CCDC39: variants seen among roughly 807,000 people sequenced by gnomAD.
CCDC39 encodes coiled-coil domain-containing protein 39.
A neutral mutation model predicts 121.0 loss-of-function variants in CCDC39; 113 were observed. That is an observed-to-expected ratio of 0.93 (90% CI 0.80 to 1.09). The LOEUF is 1.09. Among genes scored for constraint, CCDC39 ranks in the 50% least tolerant of loss-of-function variants. The probability of loss-of-function intolerance (pLI) is 0.00; values close to 1 mark genes in which losing one functional copy is unlikely to be tolerated. For synonymous variants in CCDC39, 349 were observed against 352.2 expected (o/e 0.99, Z 0.10); for missense variants, 1,063 against 1,074.7 (o/e 0.99, Z 0.15).
chr3:180,647,976 T>C (rs889014095), intron 10 of CCDC39, among the ~76,000 whole-genome samples, 189 bp downstream of exon 10: 1 of 152,000 alleles, frequency 6.6e-6, no homozygotes, highest in Non-Finnish European at 1.5e-5. Context: ...TTATTTCAGA[T>C]TGAGGGGAAA....
chr3:180,634,589 G>C (rs1355275915), intron 13 of CCDC39, among the ~76,000 whole-genome samples: 1 of 152,110 alleles, frequency 6.6e-6, no homozygotes, highest in African/African-American at 2.4e-5. Context: ...TAAACCCTGA[G>C]ATCACCCCAG....
At chr3:180,666,879 G>GCACA (rs752970659) in intron 1 of CCDC39, among the ~76,000 whole-genome samples, 3 of 150,176 alleles carry the variant, frequency 2.0e-5, no homozygotes, top group Admixed American at 2.0e-4. Context: ...TTACACATAC[G>GCACA]CACACACACA....
chr3:180,669,549 C>T (rs1303761115), intron 1 of CCDC39, among the ~76,000 whole-genome samples: 2 of 151,870 alleles, frequency 1.3e-5, no homozygotes, highest in Non-Finnish European at 2.9e-5. Context: ...TTTCTATAAC[C>T]CCAGAATTAG....
chr3:180,636,748 G>A (rs1243782182), intron 13 of CCDC39, among the ~76,000 whole-genome samples: 1 of 150,884 alleles, frequency 6.6e-6, no homozygotes, highest in Non-Finnish European at 1.5e-5. Flanking sequence ...ACAGACCAAT[G>A]CAACAGGAGA....
intron 13 of CCDC39, 88 bp downstream of exon 13, chr3:180,641,905 C>T: frequency 2.3e-6 from 2 of 866,444 alleles, no homozygotes; most frequent in East Asian, 2.6e-5. Context: ...AAAAACGATG[C>T]ACATCCGGGA....
chr3:180,635,135 G>A (rs1482362711), intron 13 of CCDC39, among the ~76,000 whole-genome samples: 1 of 152,112 alleles, frequency 6.6e-6, no homozygotes, highest in Non-Finnish European at 1.5e-5. Context: ...GCAGGAGAAA[G>A]CAAGAGACAT....
At chr3:180,622,010 G>A (rs1435474787) in intron 14 of CCDC39, among the ~76,000 whole-genome samples, 1 of 151,950 alleles carries the variant, frequency 6.6e-6, no homozygotes, top group Non-Finnish European at 1.5e-5. Flanking sequence ...GATTCCTTTG[G>A]GCACCATGGT....
At position 180,635,141 on chromosome 3, in the gene CCDC39, G is replaced by A. The variant is rs150849064; in HGVS notation, c.1875-3549C>T. Among the ~76,000 whole-genome samples, 8 of 152,230 alleles carry A rather than the reference G, an allele frequency of 5.3e-5. No individual in the cohort carries two copies. The East Asian group carries it at 1.5e-3, about 29-fold the overall frequency. ...TACAAGGCAGCAGGAGAAAGCAAGA[G>A]ACATTTTTAAACCATCAGATCTCAT... On this transcript the variant is annotated intron_variant, in intron 13 of 19. Coordinates refer to ENST00000476379, the MANE Select transcript of CCDC39 (RefSeq NM_181426.2).
intron 13 of CCDC39, among the ~76,000 whole-genome samples, chr3:180,638,512 A>G (rs574158746): frequency 1.3e-5 from 2 of 152,232 alleles, no homozygotes; most frequent in African/African-American, 4.8e-5. Flanking sequence ...AACAAAACAC[A>G]TACGTAATTT....
intron 13 of CCDC39, among the ~76,000 whole-genome samples, chr3:180,639,065 T>C (rs925693938): frequency 2.0e-4 from 30 of 152,206 alleles, no homozygotes; most frequent in Admixed American, 1.2e-3. Flanking sequence ...CATCAGCAGG[T>C]AAATGTATAA....
intron 1 of CCDC39, among the ~76,000 whole-genome samples, chr3:180,670,145 A>G (rs775979015): frequency 7.9e-5 from 12 of 152,170 alleles, no homozygotes; most frequent in Non-Finnish European, 1.0e-4. Flanking sequence ...CTCTCTAATT[A>G]CAGACTTTCA....
chr3:180,670,146 C>G (rs999825287), intron 1 of CCDC39, among the ~76,000 whole-genome samples: 1 of 152,044 alleles, frequency 6.6e-6, no homozygotes, highest in African/African-American at 2.4e-5. Context: ...TCTCTAATTA[C>G]AGACTTTCAA....
intron 12 of CCDC39, among the ~76,000 whole-genome samples, chr3:180,642,771 TCAACGTAA>T (rs1163058225): frequency 1.3e-5 from 2 of 151,984 alleles, no homozygotes; most frequent in African/African-American, 4.8e-5. Context: ...AGAGATGAAA[TCAACGTAA>T]CTACTAGAAA....
chr3:180,651,192 T>C (rs1023596326), intron 9 of CCDC39, among the ~76,000 whole-genome samples: 1 of 149,196 alleles, frequency 6.7e-6, no homozygotes, highest in Non-Finnish European at 1.5e-5. Flanking sequence ...CCAGACTTCA[T>C]CACAAAAAAA....
chr3:180,636,621 G>T (rs1055817986), intron 13 of CCDC39, among the ~76,000 whole-genome samples: 1 of 151,254 alleles, frequency 6.6e-6, no homozygotes, highest in Non-Finnish European at 1.5e-5. Context: ...AGTCTGAATA[G>T]CCAAGGCAGT....
At chr3:180,618,847 G>A (rs1236284007) in intron 16 of CCDC39, among the ~76,000 whole-genome samples, 1 of 152,096 alleles carries the variant, frequency 6.6e-6, no homozygotes, top group Non-Finnish European at 1.5e-5. Flanking sequence ...TTGCTATTGT[G>A]AATAGACAAT....
At chr3:180,661,780 AG>A in intron 3 of CCDC39, 80 bp downstream of exon 3, 1 of 1,311,600 alleles carries the variant, frequency 7.6e-7, no homozygotes, top group Non-Finnish European at 1.1e-6. Context: ...TTCCCATACA[AG>A]AAAAAAAAAA....
intron 1 of CCDC39, among the ~76,000 whole-genome samples, chr3:180,676,709 C>T (rs1712217873): frequency 6.6e-6 from 1 of 152,288 alleles, no homozygotes; most frequent in East Asian, 1.9e-4. Flanking sequence ...TATTGCAGCA[C>T]TATTCACAAC....
chr3:180,634,059 T>G (rs1330327163), intron 13 of CCDC39, among the ~76,000 whole-genome samples: 1 of 152,124 alleles, frequency 6.6e-6, no homozygotes, highest in East Asian at 1.9e-4. Flanking sequence ...ACAGTCACCA[T>G]GCAGAGAAGA....
Sources: allele counts gnomAD v4.1 joint callset (sites outside exome capture counted in the v4.1 genomes callset), GRCh38; gene constraint gnomAD v4.1.1; transcripts MANE v1.5; gene names NCBI Gene and HGNC (gene_info 2026-07-23, HGNC 2026-07-21).